The following SFMBT2 variants were observed in gnomAD, a reference collection of about 807,000 sequenced individuals.
SFMBT2 encodes the protein Scm like with four mbt domains 2, also known as scm-like with four MBT domains protein 2.
In SFMBT2, 38 loss-of-function variants were observed where a neutral mutation model predicts 110.1. The ratio of observed to expected loss-of-function variants is 0.35; its 90% CI spans 0.27 to 0.45. The LOEUF is 0.45. Ranked by LOEUF, SFMBT2 falls within the 20% of genes least tolerant of loss-of-function variation. The probability of loss-of-function intolerance (pLI) is 1.00; values close to 1 mark genes in which losing one functional copy is unlikely to be tolerated. For missense variants in SFMBT2, 1,011 were observed against 1,094.9 expected, an observed-to-expected ratio of 0.92 and a Z score of 1.08; for synonymous variants, 425 against 425.4, an observed-to-expected ratio of 1.00 and a Z score of 0.01.
intron 4 of SFMBT2, among the ~76,000 whole-genome samples, chr10:7,352,899 T>G (rs1322530143): frequency 6.6e-6 from 1 of 152,140 alleles, no homozygotes; most frequent in Non-Finnish European, 1.5e-5. Flanking sequence ...TAGTTCCAGC[T>G]ACTCGGGAGG....
chr10:7,244,197 C>T, intron 8 of SFMBT2: 1 of 246,196 alleles, frequency 4.1e-6, no homozygotes, highest in Non-Finnish European at 6.5e-6. Context: ...ACCCTCCAGC[C>T]CGAGAGGAAA....
chr10:7,248,618 G>A lies in SFMBT2; in HGVS notation c.902C>T (p.Thr301Ile). The change falls in exon 8 of 21, where the codon ACA becomes ATA. Residue 301 changes from threonine (T) to isoleucine (I), a missense_variant. Coordinates refer to ENST00000397167, the MANE Select transcript of SFMBT2 (RefSeq NM_001387889.1). Reference sequence around the variant, plus strand: ...CACTGTCTCAAGCTTCATCCCAACTGTGAAGAAATGGCTTCGCAAATCTGC... The same window carrying A: ...CACTGTCTCAAGCTTCATCCCAACTATGAAGAAATGGCTTCGCAAATCTGC... Reference protein sequence around the residue: ...DHADLRSHFFTVGMKLETVNM... With the variant: ...DHADLRSHFFIVGMKLETVNM... 6.2e-7 allele frequency: 1 copy of A among 1,614,160 alleles called. No homozygotes were observed. Among genetic ancestry groups the A allele is most frequent in the Non-Finnish European group, 8.5e-7 (1 of 1,180,002 alleles).
chr10:7,205,527 T>C (rs1023748505), intron 12 of SFMBT2: 1 of 985,228 alleles, frequency 1.0e-6, no homozygotes, highest in Non-Finnish European at 1.2e-6. Context: ...TTTTTTCACA[T>C]CAAAACAATG....
chr10:7,277,134 CAGCCA>C lies in SFMBT2; in HGVS notation c.773-150_773-146del, dbSNP rs900676062. 5 of 588,182 alleles carry C rather than the reference CAGCCA, an allele frequency of 8.5e-6. No homozygotes were observed. The African/African-American group carries it at 9.4e-5, about 11-fold the overall frequency. 36.4% of individuals were successfully genotyped at this position (588,182 alleles called of 1,614,324 possible). Reference sequence around the variant, plus strand: ...GTTCACACCCCATACCCACCATGAGCAGCCACCTGCTGAAAGGACTTTCTGAAATT... The same window carrying C: ...GTTCACACCCCATACCCACCATGAGCCCTGCTGAAAGGACTTTCTGAAATT... On this transcript the variant is annotated intron_variant, in intron 6 of 20. Transcript: ENST00000397167.
chr10:7,365,708 AG>A (rs1025532407), intron 4 of SFMBT2, among the ~76,000 whole-genome samples: 6 of 152,252 alleles, frequency 3.9e-5, no homozygotes, highest in African/African-American at 1.4e-4. Flanking sequence ...ACTATGCTTA[AG>A]AGAATAAACC....
At chr10:7,194,302 C>A (rs978548364) in intron 15 of SFMBT2, among the ~76,000 whole-genome samples, 3 of 152,176 alleles carry the variant, frequency 2.0e-5, no homozygotes, top group Non-Finnish European at 4.4e-5. Flanking sequence ...AACTCTAACA[C>A]CCATCAAGTG....
At chr10:7,206,927 GA>G in intron 11 of SFMBT2, 1 of 985,398 alleles carries the variant, frequency 1.0e-6, no homozygotes, top group Non-Finnish European at 1.2e-6. Flanking sequence ...TGAGAACCAA[GA>G]TGAAGATAAC....
chr10:7,310,376 C>T (rs1276918080), intron 4 of SFMBT2, among the ~76,000 whole-genome samples: 1 of 152,180 alleles, frequency 6.6e-6, no homozygotes, highest in Non-Finnish European at 1.5e-5. Flanking sequence ...TCTCATGCCA[C>T]GGTTAGTGCA....
rs140332120 is a variant in SFMBT2 at position 7,194,474 on chromosome 10, C to T, written c.1698+3074G>A. 1.0e-3 allele frequency among the ~76,000 whole-genome samples: 158 copies of T among 152,294 alleles called. No individual in the cohort carries two copies. The East Asian group carries it at 0.014, about 13-fold the overall frequency. On this transcript the variant is annotated intron_variant, in intron 15 of 20. Coordinates refer to ENST00000397167, the MANE Select transcript of SFMBT2 (RefSeq NM_001387889.1). Reference sequence around the variant, plus strand: ...CCCGAGACGTCTATTTCTGGCAGAACAGATCAGGGTGAACCGCTCTCACTG... The same window carrying T: ...CCCGAGACGTCTATTTCTGGCAGAATAGATCAGGGTGAACCGCTCTCACTG...
intron 15 of SFMBT2, among the ~76,000 whole-genome samples, chr10:7,190,767 C>A (rs1486030114): frequency 6.6e-6 from 1 of 152,224 alleles, no homozygotes; most frequent in Non-Finnish European, 1.5e-5. Context: ...CCCCTGCCCC[C>A]AAACTAATAG....
rs1242714908 is a variant in SFMBT2, at chr10:7,395,892, T to C, written c.-51-13943A>G. ...ACTTTTATATTACTGCTTACCTTAG[T>C]AGTCTAGTAATTCGTAGATGTTTGC... On this transcript the variant is annotated intron_variant, in intron 1 of 20. Transcript: ENST00000397167. Among the ~76,000 whole-genome samples, 5 of 152,338 alleles carry C rather than the reference T, an allele frequency of 3.3e-5. No homozygotes were observed. The South Asian group carries it at 6.2e-4, about 19-fold the overall frequency.
At chr10:7,202,025 G>A (rs956022957) in intron 13 of SFMBT2, among the ~76,000 whole-genome samples, 4 of 152,210 alleles carry the variant, frequency 2.6e-5, no homozygotes, top group Admixed American at 6.5e-5. Context: ...CACTTGCTCA[G>A]GTTCACTCAG....
chr10:7,311,282 T>C (rs997777768), intron 4 of SFMBT2, among the ~76,000 whole-genome samples: 1 of 152,196 alleles, frequency 6.6e-6, no homozygotes, highest in African/African-American at 2.4e-5. Context: ...TTAACAAGAT[T>C]AATCTAGAGC....
intron 7 of SFMBT2, among the ~76,000 whole-genome samples, chr10:7,265,964 A>G (rs527365017): frequency 6.6e-6 from 1 of 152,336 alleles, no homozygotes; most frequent in Non-Finnish European, 1.5e-5. Flanking sequence ...TTTAAATTAA[A>G]TTTAAAAAAT....
intron 4 of SFMBT2, among the ~76,000 whole-genome samples, chr10:7,306,454 T>C (rs547480611): frequency 5.3e-5 from 8 of 152,324 alleles, no homozygotes; most frequent in African/African-American, 9.6e-5. Context: ...GCTGCTCTCG[T>C]GCCACAACAG....
intron 9 of SFMBT2, among the ~76,000 whole-genome samples, 178 bp downstream of exon 9, chr10:7,243,380 C>T (rs1426576534): frequency 1.3e-5 from 2 of 152,210 alleles, no homozygotes; most frequent in Non-Finnish European, 1.5e-5. Flanking sequence ...CCACTCGCCT[C>T]GCCAGGGGAT....
intron 10 of SFMBT2, among the ~76,000 whole-genome samples, chr10:7,225,749 T>C (rs1182209023): frequency 6.6e-6 from 1 of 152,138 alleles, no homozygotes; most frequent in Non-Finnish European, 1.5e-5. Context: ...ACTCTTTAAA[T>C]ATAGAATGAA....
At chr10:7,265,225 G>A (rs1489778422) in intron 7 of SFMBT2, among the ~76,000 whole-genome samples, 4 of 133,962 alleles carry the variant, frequency 3.0e-5, no homozygotes, top group Non-Finnish European at 6.3e-5. Context: ...TCTCTGAGAT[G>A]AAGTCTCGCT....
intron 4 of SFMBT2, among the ~76,000 whole-genome samples, chr10:7,322,716 G>A (rs1333404271): frequency 6.6e-6 from 1 of 152,054 alleles, no homozygotes; most frequent in East Asian, 1.9e-4. Context: ...AATGGACAAA[G>A]GAAACCCTCA....
Sources: allele counts gnomAD v4.1 joint callset (sites outside exome capture counted in the v4.1 genomes callset), GRCh38; gene constraint gnomAD v4.1.1; transcripts MANE v1.5; gene names NCBI Gene and HGNC (gene_info 2026-07-23, HGNC 2026-07-21).